ZNF778: variants seen among roughly 807,000 people sequenced by gnomAD.
ZNF778 encodes the protein zinc finger protein 778.
A neutral mutation model predicts 23.9 loss-of-function variants in ZNF778; 37 were observed. The observed-to-expected ratio is 1.54, with a 90% CI of 1.19 to 2.03. ZNF778 has a LOEUF of 2.03. Ranked by LOEUF, ZNF778 falls within the 30% of genes most tolerant of loss-of-function variation. ZNF778 has a pLI of 0.00. For synonymous variants in ZNF778, 483 were observed against 343.9 expected, an observed-to-expected ratio of 1.40 and a Z score of -4.48; for missense variants, 1,297 against 934.4, an observed-to-expected ratio of 1.39 and a Z score of -5.06.
chr16:89,224,425 C>G (rs1380225757), intron 4 of ZNF778, among the ~76,000 whole-genome samples: 4 of 152,192 alleles, frequency 2.6e-5, no homozygotes, highest in Non-Finnish European at 4.4e-5. Flanking sequence ...TGAGACCATT[C>G]TGACCAACAC....
rs1274754506 is a variant in ZNF778, at chr16:89,224,716, C to T, written c.245-3C>T. ...CCATCGATGTCTCTTTCCCTGTGTA[C>T]AGGACATCACCTGTTCCAACCCAGT... On this transcript the variant is annotated splice_polypyrimidine_tract_variant and splice_region_variant and intron_variant, in intron 4 of 6. Coordinates refer to ENST00000433976, the MANE Select transcript of ZNF778 (RefSeq NM_001201407.2). 8 of 1,534,632 alleles carry T rather than the reference C, an allele frequency of 5.2e-6. No homozygotes were observed. In the East Asian group the frequency reaches 1.2e-4, roughly 24 times the overall value.
rs59572628 is a variant in ZNF778, at chr16:89,232,642, GTTT to G, written c.*4092_*4094del. Reference sequence around the variant, plus strand: ...TTAAAGGACCAATTGTATTAATTATGTTTTTTTTTTTTTTGTTAGGGTACATTT... The same window carrying G: ...TTAAAGGACCAATTGTATTAATTATGTTTTTTTTTTTGTTAGGGTACATTT... On this transcript the variant is annotated 3_prime_UTR_variant, in exon 7 of 7. Coordinates refer to ENST00000433976, the MANE Select transcript of ZNF778 (RefSeq NM_001201407.2). 2.9e-6 allele frequency: 3 copies of G among 1,047,130 alleles called. No individual in the cohort carries two copies. In the Admixed American group the frequency reaches 2.1e-4, roughly 72 times the overall value. 64.9% of individuals were successfully genotyped at this position (1,047,130 alleles called of 1,614,324 possible). A position where few individuals can be genotyped will look rare whatever the true frequency, so the allele number is the denominator to read the frequency against.
At position 89,230,181 on chromosome 16, in the gene ZNF778, C is replaced by G; in HGVS notation, c.*1619C>G. 1 of 465,412 alleles carries G rather than the reference C, an allele frequency of 2.1e-6. No individual in the cohort carries two copies. Among genetic ancestry groups the G allele is most frequent in the Non-Finnish European group, 2.8e-6 (1 of 355,466 alleles). 28.8% of individuals were successfully genotyped at this position (465,412 alleles called of 1,614,324 possible). ...AAATGCCCTTGTTCCTCTCCCATAC[C>G]TGATCCCTTCAGATAAAACACCAGG... On this transcript the variant is annotated 3_prime_UTR_variant, in exon 7 of 7. Coordinates refer to ENST00000433976, the MANE Select transcript of ZNF778 (RefSeq NM_001201407.2).
Position 89,228,826 on chromosome 16 carries a change from G to A in ZNF778, c.*264G>A, listed in dbSNP as rs1438925846. 2.5e-6 allele frequency: 3 copies of A among 1,189,128 alleles called. No individual in the cohort carries two copies. Among genetic ancestry groups the A allele is most frequent in the South Asian group, 2.9e-5 (1 of 34,944 alleles). The allele number at this position is 1,189,128 out of a possible 1,614,324, so 73.7% of individuals were successfully genotyped here. On this transcript the variant is annotated 3_prime_UTR_variant, in exon 7 of 7. Coordinates refer to ENST00000433976, the MANE Select transcript of ZNF778 (RefSeq NM_001201407.2). ...TGTGATATGCAGCAGCATTGTTGCTGTTCTGCTCAGTACTTTGATGATCCC... is the reference window on the plus strand; with the variant it reads ...TGTGATATGCAGCAGCATTGTTGCTATTCTGCTCAGTACTTTGATGATCCC...
intron 4 of ZNF778, 119 bp from the exon 5 acceptor site, chr16:89,224,600 C>G: frequency 1.4e-6 from 1 of 704,582 alleles, no homozygotes; most frequent in Admixed American, 2.2e-5. Context: ...GCCTGGGCAA[C>G]AGCGCGAGAC....
In ZNF778 at chr16:89,229,210, G is replaced by A. The variant is rs2031765784; in HGVS notation, c.*648G>A. The A allele has an allele frequency of 3.0e-6, 3 of 985,648 alleles. No individual in the cohort carries two copies. Among genetic ancestry groups the A allele is most frequent in the Admixed American group, 6.1e-5 (1 of 16,278 alleles). 61.1% of individuals were successfully genotyped at this position (985,648 alleles called of 1,614,324 possible). A position where few individuals can be genotyped will look rare whatever the true frequency, so the allele number is the denominator to read the frequency against. ...TCAGATGTGATCCTGTGTGAGCAGT[G>A]TAGGCTCTGGTTGGTTAGTCTTGAG... On this transcript the variant is annotated 3_prime_UTR_variant, in exon 7 of 7. Coordinates refer to ENST00000433976, the MANE Select transcript of ZNF778 (RefSeq NM_001201407.2).
intron 2 of ZNF778, 113 bp downstream of exon 2, chr16:89,221,265 A>C (rs1242816529): frequency 8.0e-7 from 1 of 1,255,954 alleles, no homozygotes; most frequent in African/African-American, 1.5e-5. Flanking sequence ...TTCCTATTGC[A>C]GCTGCTGGAG....
In ZNF778 at chr16:89,233,190, A is replaced by C. The variant is rs62068543; in HGVS notation, c.*4628A>C. Reference sequence around the variant, plus strand: ...GCACTGCGTATGCAACTCAGCTCGCACTGCGTATGCAACTCAGCTCGCTCT... The same window carrying C: ...GCACTGCGTATGCAACTCAGCTCGCCCTGCGTATGCAACTCAGCTCGCTCT... On this transcript the variant is annotated 3_prime_UTR_variant, in exon 7 of 7. Coordinates refer to ENST00000433976, the MANE Select transcript of ZNF778 (RefSeq NM_001201407.2). The C allele has an allele frequency of 1.5e-6, 1 of 661,554 alleles. No individual in the cohort carries two copies. The highest frequency in any genetic ancestry group is 1.8e-6 in the Non-Finnish European group (1 of 553,790). The allele number at this position is 661,554 out of a possible 1,614,324, so 41.0% of individuals were successfully genotyped here.
chr16:89,226,664 C>A, intron 6 of ZNF778, 30 bp from the exon 7 acceptor site: 1 of 1,577,158 alleles, frequency 6.3e-7, no homozygotes, highest in Non-Finnish European at 8.6e-7. Flanking sequence ...CTCAGTAACC[C>A]CCTGACCACC....
chr16:89,223,084 C>T, intron 3 of ZNF778, 73 bp from the exon 4 acceptor site: 1 of 1,547,776 alleles, frequency 6.5e-7, no homozygotes. Flanking sequence ...GGCGTAGGGC[C>T]CCGCCTCCTC....
At position 89,234,383 on chromosome 16, in the gene ZNF778, G is replaced by A. The variant is rs2032176364; in HGVS notation, c.*5821G>A. ...TTTTTTCCAAAGTGGTTGTGAAACA[G>A]CATCTCCTTGGGGTGTTGGTTTGCA... On this transcript the variant is annotated 3_prime_UTR_variant, in exon 7 of 7. Coordinates refer to ENST00000433976, the MANE Select transcript of ZNF778 (RefSeq NM_001201407.2). The A allele has an allele frequency of 3.5e-6, 1 of 289,756 alleles. No individual in the cohort carries two copies. Among genetic ancestry groups the A allele is most frequent in the South Asian group, 3.3e-5 (1 of 29,962 alleles). 17.9% of individuals were successfully genotyped at this position (289,756 alleles called of 1,614,324 possible). A position where few individuals can be genotyped will look rare whatever the true frequency, so the allele number is the denominator to read the frequency against.
rs2031648777 is a variant in ZNF778, at chr16:89,227,948, ACT to A, written c.1662_1663del (p.Thr556ArgfsTer22). 4 of 1,590,026 alleles carry A rather than the reference ACT, an allele frequency of 2.5e-6. No homozygotes were observed. Among genetic ancestry groups the A allele is most frequent in the Admixed American group, 3.5e-5 (2 of 57,960 alleles). On this transcript the variant is annotated frameshift_variant, in exon 7 of 7. Coordinates refer to ENST00000433976, the MANE Select transcript of ZNF778 (RefSeq NM_001201407.2). LOFTEE classifies it low-confidence loss of function (END_TRUNC). ...RVYLLNEHVK[T>X]HTEEKPFICT... ...TTATCTACTGAATGAGCATGTGAAA[ACT>A]CACACAGAGGAGAAGCCCTTTATAT...
chr16:89,221,412 C>T (rs2030928797), intron 2 of ZNF778, among the ~76,000 whole-genome samples: 1 of 152,210 alleles, frequency 6.6e-6, no homozygotes, highest in African/African-American at 2.4e-5. Context: ...CGTTCCATAT[C>T]TGCAATAGGA....
intron 6 of ZNF778, 73 bp downstream of exon 6, chr16:89,225,704 G>A (rs2031418589): frequency 1.5e-6 from 2 of 1,339,318 alleles, no homozygotes; most frequent in African/African-American, 2.9e-5. Flanking sequence ...TAGAAAATGA[G>A]CAAAATTGAG....
At position 89,222,184 on chromosome 16, in the gene ZNF778, G is replaced by T. The variant is rs371119788; in HGVS notation, c.117+1G>T. The T allele has an allele frequency of 6.3e-7, 1 of 1,598,936 alleles. No individual in the cohort carries two copies. The highest frequency in any genetic ancestry group is 1.1e-5 in the South Asian group (1 of 89,436). On this transcript the variant is annotated splice_donor_variant, in intron 3 of 6. Coordinates refer to ENST00000433976, the MANE Select transcript of ZNF778 (RefSeq NM_001201407.2). LOFTEE classifies it high-confidence loss of function. The stretch of plus-strand genomic sequence containing the variant: ...TGGCTGGCTGATAAATTGTTACCAG[G>T]TATGCCAAAACTGTATTTTTTCTTA...
Position 89,227,100 on chromosome 16 carries a change from C to T in ZNF778, c.812C>T (p.Pro271Leu), listed in dbSNP as rs1222914506. The change falls in exon 7 of 7, where the codon CCT becomes CTT. Residue 271 changes from proline (P) to leucine (L), a missense_variant. Transcript: ENST00000433976. ...ACTCACTCCATGGGCTGCGCCACAC[C>T]TGTTGAAATGCATGCCGTCAGGAAT... is the stretch of plus-strand genomic sequence containing the variant. The part of the protein sequence containing the change: ...ALTHSMGCAT[P>L]VEMHAVRNPH... The T allele has an allele frequency of 1.9e-6, 3 of 1,613,898 alleles. No individual in the cohort carries two copies. The highest frequency in any genetic ancestry group is 2.2e-5 in the East Asian group (1 of 44,896).
Position 89,230,153 on chromosome 16 carries a change from T to C in ZNF778, c.*1591T>C. The C allele has an allele frequency of 1.6e-6, 1 of 614,410 alleles. No homozygotes were observed. Among genetic ancestry groups the C allele is most frequent in the Non-Finnish European group, 2.0e-6 (1 of 492,304 alleles). 38.1% of individuals were successfully genotyped at this position (614,410 alleles called of 1,614,324 possible). On this transcript the variant is annotated 3_prime_UTR_variant, in exon 7 of 7. Coordinates refer to ENST00000433976, the MANE Select transcript of ZNF778 (RefSeq NM_001201407.2). ...GGGCATAACACAGCTCTACATTTTA[T>C]GAAAATGCCCTTGTTCCTCTCCCAT...
rs938948791 is a variant in ZNF778 at position 89,228,661 on chromosome 16, A to G, written c.*99A>G. 4.6e-6 allele frequency: 7 copies of G among 1,506,906 alleles called. No individual in the cohort carries two copies. In the African/African-American group the frequency reaches 7.0e-5, roughly 15 times the overall value. 93.3% of individuals were successfully genotyped at this position (1,506,906 alleles called of 1,614,324 possible). The stretch of plus-strand genomic sequence containing the variant: ...TGTCCATGACTTGAGGAATGTGGCT[A>G]GGCAATCAGCATCTCATCACAACCC... On this transcript the variant is annotated 3_prime_UTR_variant, in exon 7 of 7. Transcript: ENST00000433976.
chr16:89,228,781 T>C lies in ZNF778; in HGVS notation c.*219T>C, dbSNP rs937288527. 2 of 1,344,044 alleles carry C rather than the reference T, an allele frequency of 1.5e-6. No individual in the cohort carries two copies. Among genetic ancestry groups the C allele is most frequent in the African/African-American group, 2.9e-5 (2 of 68,186 alleles). The allele number at this position is 1,344,044 out of a possible 1,614,324, so 83.3% of individuals were successfully genotyped here. A position where few individuals can be genotyped will look rare whatever the true frequency, so the allele number is the denominator to read the frequency against. On this transcript the variant is annotated 3_prime_UTR_variant, in exon 7 of 7. Transcript: ENST00000433976. ...CTTGCTGAATATGGATGGTATCCAG[T>C]AGAGAGAACTCTATTGATGTGTGAT...
Sources: allele counts gnomAD v4.1 joint callset (sites outside exome capture counted in the v4.1 genomes callset), GRCh38; gene constraint gnomAD v4.1.1; transcripts MANE v1.5; gene names NCBI Gene and HGNC (gene_info 2026-07-23, HGNC 2026-07-21).